The following RAB28 variants were observed in gnomAD, a reference collection of about 807,000 sequenced individuals.
RAB28 encodes ras-related protein Rab-28.
Under a neutral mutation model 31.7 loss-of-function variants are expected in RAB28, and 24 were observed. The observed-to-expected ratio is 0.76, with a 90% CI of 0.55 to 1.06. The LOEUF (loss-of-function observed/expected upper bound fraction) is 1.06, where lower values mean the gene tolerates loss of function less well. RAB28 is among the 50% of genes least tolerant of loss of function. The pLI is 0.00. For missense variants in RAB28, 254 were observed against 258.5 expected (o/e 0.98, Z 0.12); for synonymous variants, 100 against 90.4 (o/e 1.11, Z -0.60).
intron 3 of RAB28, among the ~76,000 whole-genome samples, chr4:13,470,488 C>A (rs921311484): frequency 5.9e-5 from 9 of 152,042 alleles, no homozygotes; most frequent in African/African-American, 1.9e-4. Flanking sequence ...TGTGGGGCCA[C>A]TGGCACACAA....
intron 4 of RAB28, among the ~76,000 whole-genome samples, chr4:13,391,480 T>C (rs1442623892): frequency 6.6e-6 from 1 of 152,188 alleles, no homozygotes; most frequent in Non-Finnish European, 1.5e-5. Context: ...GTTCAACCAT[T>C]GTGGAAGACA....
intron 4 of RAB28, among the ~76,000 whole-genome samples, chr4:13,392,064 A>G (rs985649538): frequency 4.6e-5 from 7 of 152,168 alleles, no homozygotes; most frequent in African/African-American, 1.4e-4. Context: ...TGTTGTGCAC[A>G]TGTACCCTAG....
intron 4 of RAB28, among the ~76,000 whole-genome samples, chr4:13,453,780 T>C (rs1715100446): frequency 6.6e-6 from 1 of 152,218 alleles, no homozygotes; most frequent in African/African-American, 2.4e-5. Flanking sequence ...CTTTTGACAA[T>C]TTGGCTATAA....
In RAB28 at chr4:13,381,509, T is replaced by C; in HGVS notation, c.477A>G (p.Ser159=). The change falls in exon 5 of 7, where the codon TCA becomes TCG. Residue 159 remains serine (S), a synonymous_variant. Coordinates refer to ENST00000330852, the MANE Select transcript of RAB28 (RefSeq NM_001017979.3). ...TACTTACAGAGTCTCCTGTCTTGGCTGAGACAAAGTGGCTACTAAAACCAT... is the reference window on the plus strand; with the variant it reads ...TACTTACAGAGTCTCCTGTCTTGGCCGAGACAAAGTGGCTACTAAAACCAT... ...QENGFSSHFV[S]AKTGDSVFLC... is the part of the protein sequence containing the mutation. 2.5e-6 allele frequency: 4 copies of C among 1,611,652 alleles called. No individual in the cohort carries two copies. In the South Asian group the frequency reaches 4.4e-5, roughly 18 times the overall value.
At chr4:13,399,471 T>C (rs1711622778) in intron 4 of RAB28, among the ~76,000 whole-genome samples, 1 of 152,226 alleles carries the variant, frequency 6.6e-6, no homozygotes, top group Non-Finnish European at 1.5e-5. Flanking sequence ...AGAGAACTGC[T>C]GAATCATACT....
chr4:13,454,532 G>A (rs73231513), intron 4 of RAB28, among the ~76,000 whole-genome samples: 2,094 of 152,232 alleles, frequency 0.014, 24 homozygotes, highest in Middle Eastern at 0.044. Context: ...TTTAGTGAAG[G>A]TGCATTGGGT....
chr4:13,470,780 C>T (rs1332879054), intron 3 of RAB28, among the ~76,000 whole-genome samples: 2 of 152,182 alleles, frequency 1.3e-5, no homozygotes, highest in East Asian at 3.9e-4. Flanking sequence ...GGGAATTTAA[C>T]TGGGACATAT....
chr4:13,426,811 A>G (rs574323087), intron 4 of RAB28, among the ~76,000 whole-genome samples: 1 of 152,188 alleles, frequency 6.6e-6, no homozygotes, highest in African/African-American at 2.4e-5. Flanking sequence ...ATATTTTACT[A>G]TTAGTTTTAG....
At chr4:13,472,327 G>C (rs1208895921) in intron 3 of RAB28, among the ~76,000 whole-genome samples, 2 of 151,368 alleles carry the variant, frequency 1.3e-5, no homozygotes, top group African/African-American at 4.8e-5. Flanking sequence ...ATACACTTCA[G>C]AATGGTTAAC....
At chr4:13,441,930 T>C (rs1218555062) in intron 4 of RAB28, among the ~76,000 whole-genome samples, 1 of 152,214 alleles carries the variant, frequency 6.6e-6, no homozygotes, top group Non-Finnish European at 1.5e-5. Flanking sequence ...CATCGTCCTC[T>C]ATTGTTGACA....
intron 4 of RAB28, among the ~76,000 whole-genome samples, chr4:13,391,452 T>G (rs1395637465): frequency 6.6e-6 from 1 of 152,240 alleles, no homozygotes; most frequent in Non-Finnish European, 1.5e-5. Flanking sequence ...TTTACGCTGT[T>G]GGTGGGAATG....
intron 4 of RAB28, among the ~76,000 whole-genome samples, chr4:13,450,837 T>A (rs1467627272): frequency 6.6e-6 from 1 of 151,634 alleles, no homozygotes; most frequent in Admixed American, 6.6e-5. Flanking sequence ...AAATTCTAAG[T>A]ATGATACAAA....
chr4:13,371,798 T>C, intron 6 of RAB28: 1 of 1,547,530 alleles, frequency 6.5e-7, no homozygotes, highest in Admixed American at 2.0e-5. Flanking sequence ...TACCAACCTT[T>C]ATTTTTAGAG....
rs529617965 is a variant in RAB28, at chr4:13,390,150, C to T, written c.392-8556G>A. ...TTGCAGATGACATGATTGTATATTTCGAAAACCCCATCTTCTCAGCCCAAA... is the reference window on the plus strand; with the variant it reads ...TTGCAGATGACATGATTGTATATTTTGAAAACCCCATCTTCTCAGCCCAAA... On this transcript the variant is annotated intron_variant, in intron 4 of 6. Transcript: ENST00000330852. Among the ~76,000 whole-genome samples, 23 of 152,102 alleles carry T rather than the reference C, an allele frequency of 1.5e-4. No homozygotes were observed. In the Middle Eastern group the frequency reaches 0.01, roughly 67 times the overall value.
intron 4 of RAB28, among the ~76,000 whole-genome samples, chr4:13,383,648 A>C (rs1729231116): frequency 6.6e-6 from 1 of 152,134 alleles, no homozygotes; most frequent in Admixed American, 6.5e-5. Context: ...CTCACAGGTC[A>C]TGGGAGGGAC....
chr4:13,477,733 T>C (rs940027532), intron 2 of RAB28, among the ~76,000 whole-genome samples: 10 of 151,440 alleles, frequency 6.6e-5, no homozygotes, highest in African/African-American at 2.2e-4. Context: ...TTCATTAGTA[T>C]ACATGCCCTA....
chr4:13,422,548 A>C (rs920372849), intron 4 of RAB28, among the ~76,000 whole-genome samples: 1 of 150,516 alleles, frequency 6.6e-6, no homozygotes, highest in African/African-American at 2.5e-5. Context: ...CACATATACA[A>C]CATGGAAAAT....
chr4:13,467,626 G>A (rs2108966165), intron 3 of RAB28, among the ~76,000 whole-genome samples: 1 of 151,764 alleles, frequency 6.6e-6, no homozygotes, highest in East Asian at 1.9e-4. Context: ...GCAAACTCTA[G>A]AACAATCACT....
chr4:13,468,776 GTT>G (rs869095747), intron 3 of RAB28, among the ~76,000 whole-genome samples: 2 of 145,736 alleles, frequency 1.4e-5, no homozygotes, highest in African/African-American at 5.0e-5. Context: ...GCCAAAAGCT[GTT>G]TTTTTTTTAA....
Sources: gnomAD v4.1 joint callset for allele counts (sites outside exome capture counted in the v4.1 genomes callset) on GRCh38, gnomAD v4.1.1 for gene constraint, MANE v1.5 for transcripts, NCBI Gene and HGNC (gene_info 2026-07-23, HGNC 2026-07-21) for gene names.